EHMT1: variants seen among roughly 807,000 people sequenced by gnomAD.
The protein encoded by EHMT1 is histone-lysine N-methyltransferase EHMT1.
EHMT1 carries 15 observed loss-of-function variants against 147.2 expected under a neutral mutation model. The observed-to-expected ratio is 0.10, with a 90% confidence interval of 0.07 to 0.16. The LOEUF (loss-of-function observed/expected upper bound fraction) is 0.16. Ranked by LOEUF, EHMT1 falls within the 10% of genes least tolerant of loss-of-function variation. The pLI is 1.00. For missense variants in EHMT1, 1,587 were observed against 1,772.4 expected (o/e 0.90, Z 1.88); for synonymous variants, 795 against 709.6 (o/e 1.12, Z -1.91).
chr9:137,808,052 C>T (rs1439987202), intron 18 of EHMT1, among the ~76,000 whole-genome samples: 1 of 152,142 alleles, frequency 6.6e-6, no homozygotes, highest in Non-Finnish European at 1.5e-5. Context: ...GCAGTCAGAT[C>T]ATGTTGGATT....
At chr9:137,723,592 G>A (rs1454223626) in intron 3 of EHMT1, among the ~76,000 whole-genome samples, 2 of 150,594 alleles carry the variant, frequency 1.3e-5, no homozygotes, top group African/African-American at 4.9e-5. Context: ...AGCTCGGGGT[G>A]TGTCTGTGTC....
At chr9:137,694,605 A>G (rs1943242658) in intron 1 of EHMT1, among the ~76,000 whole-genome samples, 1 of 152,184 alleles carries the variant, frequency 6.6e-6, no homozygotes, top group Non-Finnish European at 1.5e-5. Context: ...TCAGGGAAGG[A>G]GTAGATGTTT....
Position 137,835,159 on chromosome 9 carries a change from C to T in EHMT1, c.*206C>T, listed in dbSNP as rs1283099599. On this transcript the variant is annotated 3_prime_UTR_variant, in exon 27 of 27. Coordinates refer to ENST00000460843, the MANE Select transcript of EHMT1 (RefSeq NM_024757.5). ...CCTTCCCAGACCTGCGGCCTCACCGCGGGCCCAGTGCCCAGGCTGGAGCGC... is the reference window on the plus strand; with the variant it reads ...CCTTCCCAGACCTGCGGCCTCACCGTGGGCCCAGTGCCCAGGCTGGAGCGC... 13 of 512,670 alleles carry T rather than the reference C, an allele frequency of 2.5e-5. No individual in the cohort carries two copies. The highest frequency in any genetic ancestry group is 3.7e-5 in the Non-Finnish European group (12 of 320,390). The allele number at this position is 512,670 out of a possible 1,614,324, so 31.8% of individuals were successfully genotyped here.
At chr9:137,700,264 G>A (rs1943725681) in intron 1 of EHMT1, among the ~76,000 whole-genome samples, 1 of 152,134 alleles carries the variant, frequency 6.6e-6, no homozygotes, top group Non-Finnish European at 1.5e-5. Context: ...AGCCTGTAGT[G>A]CCCACCTCCC....
intron 6 of EHMT1, chr9:137,745,421 A>T (rs1351703076): frequency 5.0e-6 from 2 of 398,058 alleles, no homozygotes; most frequent in African/African-American, 2.1e-5. Flanking sequence ...AAGAGGATTT[A>T]AAAATTTTTT....
chr9:137,800,803 C>T, intron 17 of EHMT1, 77 bp from the exon 18 acceptor site: 2 of 1,339,796 alleles, frequency 1.5e-6, no homozygotes, highest in African/African-American at 1.4e-5. Flanking sequence ...GTGCAGAGAC[C>T]TCGGCGTGGG....
intron 17 of EHMT1, chr9:137,800,434 G>T: frequency 4.5e-6 from 1 of 224,120 alleles, no homozygotes. Context: ...GCCACCATTG[G>T]AGGCTGAAGG....
chr9:137,803,323 A>C (rs1588798636), intron 18 of EHMT1: 1 of 990,188 alleles, frequency 1.0e-6, no homozygotes. Context: ...GAGTGAGCCC[A>C]GTCCTCCCTC....
intron 4 of EHMT1, among the ~76,000 whole-genome samples, chr9:137,733,887 A>G (rs1281860614): frequency 1.3e-5 from 2 of 152,240 alleles, no homozygotes; most frequent in Admixed American, 6.5e-5. Flanking sequence ...AAGGGAAGAC[A>G]TGAAAAGACC....
chr9:137,704,063 G>A (rs1378016304), intron 1 of EHMT1, among the ~76,000 whole-genome samples: 1 of 152,156 alleles, frequency 6.6e-6, no homozygotes, highest in Non-Finnish European at 1.5e-5. Context: ...AGAGAGCAAA[G>A]GGGGAAGTGC....
At chr9:137,627,060 C>T (rs1037453630) in intron 1 of EHMT1, among the ~76,000 whole-genome samples, 10 of 152,072 alleles carry the variant, frequency 6.6e-5, no homozygotes, top group African/African-American at 1.4e-4. Flanking sequence ...CAGGTTCAAG[C>T]GCTTCTCCTG....
intron 24 of EHMT1, chr9:137,817,851 A>G (rs1005160493): frequency 1.6e-6 from 1 of 636,484 alleles, no homozygotes; most frequent in Non-Finnish European, 2.8e-6. Context: ...CAGACCGCAG[A>G]CGCAGAGCTT....
chr9:137,722,228 C>T (rs1299710148), intron 3 of EHMT1, among the ~76,000 whole-genome samples: 1 of 152,156 alleles, frequency 6.6e-6, no homozygotes, highest in Non-Finnish European at 1.5e-5. Context: ...CTTTTATTGT[C>T]ATCCTATTAC....
At chr9:137,832,218 C>A (rs1443473567) in intron 25 of EHMT1, among the ~76,000 whole-genome samples, 1 of 151,246 alleles carries the variant, frequency 6.6e-6, no homozygotes, top group African/African-American at 2.4e-5. Flanking sequence ...CCTACATGGC[C>A]TGTGTGCCTT....
At position 137,730,447 on chromosome 9, in the gene EHMT1, CA is replaced by C. The variant is rs76723931; in HGVS notation, c.823+1929del. Among the ~76,000 whole-genome samples the C allele has an allele frequency of 5.6e-5, 8 of 142,860 alleles. No individual in the cohort carries two copies. The South Asian group carries it at 6.6e-4, about 12-fold the overall frequency. 93.7% of individuals were successfully genotyped at this position (142,860 alleles called of 152,430 possible). The stretch of plus-strand genomic sequence containing the variant: ...CACAGTTATCTGTCCATTTACTTTA[CA>C]AAAAAAAAAACTTAAAAAAAAAATA... On this transcript the variant is annotated intron_variant, in intron 4 of 26. Transcript: ENST00000460843.
chr9:137,771,565 G>A (rs1304905267), intron 10 of EHMT1, among the ~76,000 whole-genome samples: 1 of 152,184 alleles, frequency 6.6e-6, no homozygotes, highest in Admixed American at 6.5e-5. Flanking sequence ...GCTCCTCGGA[G>A]TCCTGGTCTT....
chr9:137,735,596 A>G (rs1393508381), intron 4 of EHMT1, among the ~76,000 whole-genome samples: 2 of 152,232 alleles, frequency 1.3e-5, no homozygotes, highest in Non-Finnish European at 2.9e-5. Flanking sequence ...CAAAAGACGA[A>G]GATTGGCAGT....
At chr9:137,774,870 G>A (rs1296978884) in intron 10 of EHMT1, among the ~76,000 whole-genome samples, 1 of 152,218 alleles carries the variant, frequency 6.6e-6, no homozygotes, top group Non-Finnish European at 1.5e-5. Flanking sequence ...GCTGCCTCCT[G>A]CAGTTTGTGC....
chr9:137,758,834 T>G (rs1429135748), intron 9 of EHMT1, among the ~76,000 whole-genome samples: 1 of 152,132 alleles, frequency 6.6e-6, no homozygotes. Flanking sequence ...GATAGAAATC[T>G]TAGGCTAGTC....
Sources: allele counts gnomAD v4.1 joint callset (sites outside exome capture counted in the v4.1 genomes callset), GRCh38; gene constraint gnomAD v4.1.1; transcripts MANE v1.5; gene names NCBI Gene and HGNC (gene_info 2026-07-23, HGNC 2026-07-21).